CEP89: variants seen among roughly 807,000 people sequenced by gnomAD.
CEP89 encodes the protein centrosomal protein of 89 kDa.
In CEP89, 95 loss-of-function variants were observed where a neutral mutation model predicts 97.6. The observed-to-expected ratio is 0.97, with a 90% CI of 0.82 to 1.15. The LOEUF is 1.15. Ranked by LOEUF, CEP89 falls within the 50% of genes most tolerant of loss-of-function variation. The probability of loss-of-function intolerance (pLI) is 0.00; values close to 1 mark genes in which losing one functional copy is unlikely to be tolerated. For missense variants in CEP89, 869 were observed against 947.7 expected, an observed-to-expected ratio of 0.92 and a Z score of 1.09; for synonymous variants, 354 against 349.1, an observed-to-expected ratio of 1.01 and a Z score of -0.16.
At chr19:32,907,842 C>T (rs1969920843) in intron 14 of CEP89, among the ~76,000 whole-genome samples, 1 of 152,254 alleles carries the variant, frequency 6.6e-6, no homozygotes, top group Admixed American at 6.5e-5. Flanking sequence ...CTGCCTCGGC[C>T]TCCCAAAGTG....
chr19:32,879,721 C>T lies in CEP89; in HGVS notation c.2136-343G>A, dbSNP rs377741616. 1.7e-4 allele frequency among the ~76,000 whole-genome samples: 26 copies of T among 152,306 alleles called. No homozygotes were observed. The East Asian group carries it at 4.2e-3, about 25-fold the overall frequency. ...GTTTTCTCTCAAGAATGAACTTGGGCGTGTCGAATAAGGAACTGCAGGAAC... is the reference window on the plus strand; with the variant it reads ...GTTTTCTCTCAAGAATGAACTTGGGTGTGTCGAATAAGGAACTGCAGGAAC... On this transcript the variant is annotated intron_variant, in intron 18 of 18. Coordinates refer to ENST00000305768, the MANE Select transcript of CEP89 (RefSeq NM_032816.5).
chr19:32,889,770 T>C (rs1969474721), intron 16 of CEP89, among the ~76,000 whole-genome samples: 1 of 152,162 alleles, frequency 6.6e-6, no homozygotes, highest in Admixed American at 6.5e-5. Context: ...GGCCTCAACA[T>C]GTGGCGGGCA....
chr19:32,926,235 A>T lies in CEP89; in HGVS notation c.1119T>A (p.Tyr373Ter), dbSNP rs769820064. Residue 373 changes from tyrosine to a stop codon, truncating the protein, a stop_gained, in exon 11 of 19, where the codon TAT becomes TAA. Transcript: ENST00000305768. LOFTEE classifies it high-confidence loss of function. ...CGTCCTTCTCTTTCATCATATCTTC[A>T]TAAGCCAGCAACAATGGTGACAGGT... Reference protein sequence around the residue: ...IKYLSPLLLAYEDMMKEKDEL... With the variant: ...IKYLSPLLLA 1.1e-5 allele frequency: 17 copies of T among 1,613,772 alleles called. No individual in the cohort carries two copies. The highest frequency in any genetic ancestry group is 1.4e-5 in the Non-Finnish European group (16 of 1,179,740).
At position 32,960,049 on chromosome 19, in the gene CEP89, C is replaced by T; in HGVS notation, c.156G>A (p.Leu52=). ...NPSPERPRSA[L]AAAILATTLT... ...ATGTTGTCGCCAGAATGGCTGCTGCCAGAGCAGATCTGCGGACAAAAACAT... is the reference window on the plus strand; with the variant it reads ...ATGTTGTCGCCAGAATGGCTGCTGCTAGAGCAGATCTGCGGACAAAAACAT... Residue 52 remains leucine (L), a synonymous_variant, in exon 3 of 19, where the codon CTG becomes CTA. Transcript: ENST00000305768. 6.2e-7 allele frequency: 1 copy of T among 1,614,168 alleles called. No individual in the cohort carries two copies. The highest frequency in any genetic ancestry group is 8.5e-7 in the Non-Finnish European group (1 of 1,180,026).
rs1970588277 is a variant in CEP89, at chr19:32,936,727, A to C, written c.667+904T>G. Among the ~76,000 whole-genome samples the C allele has an allele frequency of 6.6e-6, 1 of 151,926 alleles. No homozygotes were observed. Among genetic ancestry groups the C allele is most frequent in the Admixed American group, 6.6e-5 (1 of 15,242 alleles). ...GACCAGCAGCAGAGAGGAGCAACCC[A>C]CTCCAGGGCCTCCTCTCTACTAGGA... On this transcript the variant is annotated intron_variant, in intron 7 of 18. Coordinates refer to ENST00000305768, the MANE Select transcript of CEP89 (RefSeq NM_032816.5). The surrounding 1 kb of genome is among the most constrained non-coding windows in gnomAD (Gnocchi z 4.5).
At chr19:32,885,560 G>C (rs1907971240) in intron 17 of CEP89, among the ~76,000 whole-genome samples, 1 of 152,148 alleles carries the variant, frequency 6.6e-6, no homozygotes, top group Non-Finnish European at 1.5e-5. Context: ...GGGCTCAAGT[G>C]ATCTGCCTGC....
chr19:32,954,240 G>C (rs1970999535), intron 3 of CEP89, among the ~76,000 whole-genome samples: 1 of 152,104 alleles, frequency 6.6e-6, no homozygotes, highest in Non-Finnish European at 1.5e-5. Flanking sequence ...AAAGTACACA[G>C]AAGCTAAAAG....
intron 18 of CEP89, among the ~76,000 whole-genome samples, chr19:32,881,203 A>T (rs1969273086): frequency 6.6e-6 from 1 of 152,180 alleles, no homozygotes; most frequent in Non-Finnish European, 1.5e-5. Context: ...TGGGAAGCTA[A>T]GGCAGGAGGA....
chr19:32,958,155 A>G (rs771117477), intron 3 of CEP89, among the ~76,000 whole-genome samples: 22 of 152,158 alleles, frequency 1.4e-4, no homozygotes, highest in Admixed American at 2.0e-4. Flanking sequence ...TTACTCAGCC[A>G]AAGTATAATG....
At position 32,877,160 on chromosome 19, in the gene CEP89, C is replaced by T. The variant is rs34035782; in HGVS notation, c.*2002G>A. 0.41 allele frequency: 62,516 copies of T among 152,010 alleles called. 12,992 individuals carry two copies. The highest frequency in any genetic ancestry group is 0.47 in the Admixed American group (7,161 of 15,288). The allele number at this position is 152,010 out of a possible 1,614,324, so 9.4% of individuals were successfully genotyped here. On this transcript the variant is annotated 3_prime_UTR_variant, in exon 19 of 19. Transcript: ENST00000305768. ...TTTCAATCCCAGTGAGTCTTTCTAC[C>T]GCTTGTAAAATAAAATTAAATTACA...
At chr19:32,930,398 A>G (rs901110742) in intron 9 of CEP89, among the ~76,000 whole-genome samples, 35 of 152,164 alleles carry the variant, frequency 2.3e-4, no homozygotes, top group Non-Finnish European at 4.3e-4. Flanking sequence ...TGTGACTACA[A>G]TAAAAACCAC....
Position 32,931,490 on chromosome 19 carries a change from TG to T in CEP89, c.967del (p.His323IlefsTer3). On this transcript the variant is annotated frameshift_variant, in exon 9 of 19. Transcript: ENST00000305768. LOFTEE classifies it high-confidence loss of function. ...TCGACTGAGTTCTACATTCAAACGA[TG>T]GACAGTCATTTTCAATCCATCATTT... Reference protein sequence around the residue: ...DENDGLKMTVHRLNVELSRYQ... With the variant: ...DENDGLKMTVXRLNVELSRYQ... 2 of 1,595,606 alleles carry T rather than the reference TG, an allele frequency of 1.3e-6. No individual in the cohort carries two copies. Among genetic ancestry groups the T allele is most frequent in the Non-Finnish European group, 1.7e-6 (2 of 1,175,918 alleles).
At chr19:32,902,817 ACTG>A (rs1969809877) in intron 14 of CEP89, among the ~76,000 whole-genome samples, 1 of 152,242 alleles carries the variant, frequency 6.6e-6, no homozygotes, top group Non-Finnish European at 1.5e-5. Context: ...GTGAGAGGAA[ACTG>A]CGTAAAGCCT....
At chr19:32,950,568 C>G (rs1970890127) in intron 4 of CEP89, among the ~76,000 whole-genome samples, 1 of 152,044 alleles carries the variant, frequency 6.6e-6, no homozygotes, top group South Asian at 2.1e-4. Flanking sequence ...CCTTCACCCC[C>G]ACAAAAAAAG....
intron 16 of CEP89, among the ~76,000 whole-genome samples, chr19:32,897,056 TGAGACTCTAGTTTAAA>T (rs1418243051): frequency 6.6e-6 from 1 of 151,940 alleles, no homozygotes; most frequent in Admixed American, 6.6e-5. Flanking sequence ...ATCAAAAGGG[TGAGACTCTAGTTTAAA>T]GAGAGTTTAT....
At chr19:32,957,816 A>G (rs546167500) in intron 3 of CEP89, among the ~76,000 whole-genome samples, 86 of 152,192 alleles carry the variant, frequency 5.7e-4, no homozygotes, top group Middle Eastern at 3.4e-3. Flanking sequence ...GCTCAAAAAT[A>G]AATAAATAAA....
chr19:32,945,852 G>A (rs1482054755), intron 5 of CEP89, among the ~76,000 whole-genome samples: 1 of 152,094 alleles, frequency 6.6e-6, no homozygotes, highest in Non-Finnish European at 1.5e-5. Flanking sequence ...TCCCCATGGT[G>A]GCTTCTCCTG....
chr19:32,882,821 T>C (rs1334024538), intron 17 of CEP89, among the ~76,000 whole-genome samples: 3 of 152,114 alleles, frequency 2.0e-5, no homozygotes, highest in Admixed American at 1.3e-4. Flanking sequence ...GTTTTTACTG[T>C]ATAGTACTGA....
chr19:32,907,317 A>G (rs934329793), intron 14 of CEP89, among the ~76,000 whole-genome samples: 1 of 152,188 alleles, frequency 6.6e-6, no homozygotes, highest in Non-Finnish European at 1.5e-5. Context: ...GCCATGATTG[A>G]GCCACTTCAC....
Sources: gnomAD v4.1 joint callset for allele counts (sites outside exome capture counted in the v4.1 genomes callset) on GRCh38, gnomAD v4.1.1 for gene constraint, Gnocchi (gnomAD v3.1) non-coding constraint, MANE v1.5 for transcripts, NCBI Gene and HGNC (gene_info 2026-07-23, HGNC 2026-07-21) for gene names.